The following PLPPR1 variants were observed in gnomAD, a reference collection of about 807,000 sequenced individuals.
The protein encoded by PLPPR1 is phospholipid phosphatase-related protein type 1.
PLPPR1 carries 10 observed loss-of-function variants against 33.1 expected under a neutral mutation model. The observed-to-expected ratio is 0.30, with a 90% CI of 0.19 to 0.51. PLPPR1 has a LOEUF of 0.51. PLPPR1 is among the 20% of genes least tolerant of loss of function. The pLI is 0.97. For synonymous variants in PLPPR1, 151 were observed against 151.0 expected (o/e 1.00, Z 0.00); for missense variants, 304 against 408.1 (o/e 0.74, Z 2.20).
chr9:101,238,340 T>C (rs1827373589), intron 2 of PLPPR1, among the ~76,000 whole-genome samples: 1 of 100,926 alleles, frequency 9.9e-6, no homozygotes, highest in South Asian at 3.8e-4. Context: ...TACCTCTCTA[T>C]ATATAGAGGT....
chr9:101,091,064 A>G (rs947501651), intron 1 of PLPPR1, among the ~76,000 whole-genome samples: 2 of 151,764 alleles, frequency 1.3e-5, no homozygotes, highest in African/African-American at 4.8e-5. Flanking sequence ...TCTCTAATCT[A>G]GAGTTATTTT....
At chr9:101,064,329 C>A (rs1830382338) in intron 1 of PLPPR1, among the ~76,000 whole-genome samples, 1 of 149,448 alleles carries the variant, frequency 6.7e-6, no homozygotes, top group South Asian at 2.1e-4. Flanking sequence ...CAGAGTTTCT[C>A]ATGGGATTAA....
At position 101,297,930 on chromosome 9, in the gene PLPPR1, C is replaced by T. The variant is rs973991907; in HGVS notation, c.386-11281C>T. Among the ~76,000 whole-genome samples, 7 of 152,116 alleles carry T rather than the reference C, an allele frequency of 4.6e-5. No individual in the cohort carries two copies. In the East Asian group the frequency reaches 1.2e-3, roughly 25 times the overall value. The stretch of plus-strand genomic sequence containing the variant: ...TGGCAATGACTAAGTAAGGAAGTTA[C>T]ATTTTCCAAAAAAAATGTGAAGTTC... On this transcript the variant is annotated intron_variant, in intron 4 of 7. Transcript: ENST00000374874.
chr9:101,115,881 A>G (rs1831112108), intron 1 of PLPPR1, among the ~76,000 whole-genome samples: 2 of 152,246 alleles, frequency 1.3e-5, no homozygotes, highest in African/African-American at 4.8e-5. Flanking sequence ...TAACAGCAAC[A>G]ATAATAGTAA....
intron 1 of PLPPR1, among the ~76,000 whole-genome samples, chr9:101,041,710 T>C (rs543411295): frequency 1.3e-5 from 2 of 152,266 alleles, no homozygotes; most frequent in East Asian, 3.9e-4. Context: ...CTTGAAGTTG[T>C]GCCTGGAGTC....
At chr9:101,124,623 A>G (rs545877366) in intron 1 of PLPPR1, among the ~76,000 whole-genome samples, 1 of 152,294 alleles carries the variant, frequency 6.6e-6, no homozygotes, top group South Asian at 2.1e-4. Context: ...GGCCCCTTCT[A>G]ACAGAAGGCA....
chr9:101,143,528 A>G (rs1705310594), intron 1 of PLPPR1, among the ~76,000 whole-genome samples: 3 of 152,298 alleles, frequency 2.0e-5, no homozygotes, highest in African/African-American at 7.2e-5. Flanking sequence ...CAATCTACCC[A>G]TCTGACAAAG....
chr9:101,256,725 G>T (rs1827809970), intron 2 of PLPPR1, among the ~76,000 whole-genome samples: 1 of 152,092 alleles, frequency 6.6e-6, no homozygotes. Flanking sequence ...CCTGAACTAT[G>T]AGATGGCATT....
chr9:101,264,136 A>G (rs989014317), intron 2 of PLPPR1, among the ~76,000 whole-genome samples: 4 of 152,116 alleles, frequency 2.6e-5, no homozygotes, highest in Non-Finnish European at 5.9e-5. Flanking sequence ...AACTATTGAC[A>G]TTTGTGACTA....
chr9:101,261,796 T>A (rs1356152978), intron 2 of PLPPR1, among the ~76,000 whole-genome samples: 2 of 152,034 alleles, frequency 1.3e-5, no homozygotes, highest in African/African-American at 4.8e-5. Flanking sequence ...ACCTAAATGA[T>A]AACACATCGA....
intron 1 of PLPPR1, among the ~76,000 whole-genome samples, chr9:101,099,474 C>T (rs1830868346): frequency 6.6e-6 from 1 of 152,134 alleles, no homozygotes; most frequent in South Asian, 2.1e-4. Context: ...CCAGCTCTCC[C>T]TGTCTGTGGG....
intron 4 of PLPPR1, among the ~76,000 whole-genome samples, chr9:101,290,630 T>C (rs1199913038): frequency 6.6e-6 from 1 of 152,236 alleles, no homozygotes; most frequent in East Asian, 1.9e-4. Context: ...AAATGTAGAT[T>C]AATTTTTGTG....
chr9:101,129,646 A>G (rs1831291639), intron 1 of PLPPR1, among the ~76,000 whole-genome samples: 1 of 152,188 alleles, frequency 6.6e-6, no homozygotes. Context: ...CCTGGCCAAC[A>G]TGGTGAAACC....
At chr9:101,123,909 G>A (rs1831209479) in intron 1 of PLPPR1, among the ~76,000 whole-genome samples, 2 of 151,968 alleles carry the variant, frequency 1.3e-5, no homozygotes, top group African/African-American at 2.4e-5. Flanking sequence ...GGCCACAAGG[G>A]GTTTTAGACC....
At chr9:101,294,904 C>T (rs562151313) in intron 4 of PLPPR1, among the ~76,000 whole-genome samples, 2 of 152,300 alleles carry the variant, frequency 1.3e-5, no homozygotes, top group South Asian at 4.1e-4. Context: ...GACAGGGATT[C>T]CCTGTCTACT....
chr9:101,084,691 T>C (rs981591568), intron 1 of PLPPR1, among the ~76,000 whole-genome samples: 4 of 152,200 alleles, frequency 2.6e-5, no homozygotes, highest in Non-Finnish European at 5.9e-5. Flanking sequence ...AAGGATTTCT[T>C]TGGGACATGG....
At chr9:101,172,225 G>T (rs547855794) in intron 1 of PLPPR1, among the ~76,000 whole-genome samples, 1 of 152,080 alleles carries the variant, frequency 6.6e-6, no homozygotes, top group South Asian at 2.1e-4. Flanking sequence ...CTTCCAGGAG[G>T]CCCCAACACC....
intron 1 of PLPPR1, among the ~76,000 whole-genome samples, chr9:101,170,981 A>T (rs1397834989): frequency 6.6e-6 from 1 of 152,094 alleles, no homozygotes; most frequent in African/African-American, 2.4e-5. Flanking sequence ...TGCAGATCTG[A>T]AAAACAGGCA....
rs557768040 is a variant in PLPPR1, at chr9:101,185,671, T to C, written c.63+114T>C. 2.1e-4 allele frequency: 135 copies of C among 631,540 alleles called. No homozygotes were observed. The African/African-American group carries it at 2.5e-3, about 12-fold the overall frequency. The allele number at this position is 631,540 out of a possible 1,614,324, so 39.1% of individuals were successfully genotyped here. ...TTTATGATTGGTAAGTCAATTTTGA[T>C]AGCACAAATATTGGTAAAGATTAAT... is the stretch of plus-strand genomic sequence containing the variant. On this transcript the variant is annotated intron_variant, in intron 2 of 7. Coordinates refer to ENST00000374874, the MANE Select transcript of PLPPR1 (RefSeq NM_207299.2).
Sources: allele counts gnomAD v4.1 joint callset (sites outside exome capture counted in the v4.1 genomes callset), GRCh38; gene constraint gnomAD v4.1.1; transcripts MANE v1.5; gene names NCBI Gene and HGNC (gene_info 2026-07-23, HGNC 2026-07-21).